GRID2: variants seen among roughly 807,000 people sequenced by gnomAD.
GRID2 encodes glutamate ionotropic receptor delta type subunit 2.
A neutral mutation model predicts 114.8 loss-of-function variants in GRID2; 33 were observed. That is an observed-to-expected ratio of 0.29 (90% confidence interval 0.22 to 0.38). The LOEUF (loss-of-function observed/expected upper bound fraction) is 0.38, where lower values mean the gene tolerates loss of function less well. Ranked by LOEUF, GRID2 falls within the 10% of genes least tolerant of loss-of-function variation. The probability of loss-of-function intolerance (pLI) is 1.00; values close to 1 mark genes in which losing one functional copy is unlikely to be tolerated. For synonymous variants in GRID2, 505 were observed against 449.9 expected, an observed-to-expected ratio of 1.12 and a Z score of -1.55; for missense variants, 1,184 against 1,257.7, an observed-to-expected ratio of 0.94 and a Z score of 0.89.
intron 14 of GRID2, among the ~76,000 whole-genome samples, chr4:93,679,962 C>G (rs1445365450): frequency 6.6e-6 from 1 of 151,046 alleles, no homozygotes. Context: ...ACCAAAAAAA[C>G]CTTTCAAAAA....
intron 12 of GRID2, among the ~76,000 whole-genome samples, chr4:93,501,262 T>C (rs1728075630): frequency 6.6e-6 from 1 of 152,066 alleles, no homozygotes; most frequent in South Asian, 2.1e-4. Context: ...GTATGCTCTC[T>C]AAGTATCCTT....
chr4:93,337,655 G>A (rs1420944426), intron 8 of GRID2, among the ~76,000 whole-genome samples: 1 of 151,606 alleles, frequency 6.6e-6, no homozygotes, highest in Admixed American at 6.6e-5. Context: ...TGAAAAGCTG[G>A]TCATAAACAA....
At chr4:93,751,076 C>T (rs1356953825) in intron 14 of GRID2, among the ~76,000 whole-genome samples, 1 of 152,152 alleles carries the variant, frequency 6.6e-6, no homozygotes, top group Non-Finnish European at 1.5e-5. Context: ...AGGCTAGGGT[C>T]ATTCTTCTTA....
intron 2 of GRID2, among the ~76,000 whole-genome samples, chr4:92,886,827 G>C (rs925562192): frequency 1.3e-5 from 2 of 151,870 alleles, no homozygotes; most frequent in Non-Finnish European, 2.9e-5. Context: ...GGGTTTCACC[G>C]TGTTAGCCAG....
intron 13 of GRID2, among the ~76,000 whole-genome samples, chr4:93,595,697 C>T (rs1190875759): frequency 1.3e-5 from 2 of 152,168 alleles, no homozygotes; most frequent in Non-Finnish European, 2.9e-5. Context: ...GTTTGCACAA[C>T]TAACTTTCCA....
intron 14 of GRID2, among the ~76,000 whole-genome samples, chr4:93,712,648 C>A (rs1728583476): frequency 6.6e-6 from 1 of 151,974 alleles, no homozygotes; most frequent in Admixed American, 6.6e-5. Flanking sequence ...TGACGTGGTA[C>A]GTAATTCAGA....
At chr4:93,678,420 C>T (rs957118753) in intron 14 of GRID2, among the ~76,000 whole-genome samples, 34 of 151,990 alleles carry the variant, frequency 2.2e-4, no homozygotes, top group African/African-American at 7.5e-4. Context: ...TCAGGAAATA[C>T]AGAGAATGCC....
chr4:92,689,953 T>C (rs1370473670), intron 2 of GRID2, among the ~76,000 whole-genome samples: 1 of 152,182 alleles, frequency 6.6e-6, no homozygotes, highest in African/African-American at 2.4e-5. Context: ...TAAGGGACTG[T>C]TGTAACTGGT....
chr4:92,626,812 G>A (rs1443260772), intron 2 of GRID2, among the ~76,000 whole-genome samples: 2 of 152,030 alleles, frequency 1.3e-5, no homozygotes, highest in Non-Finnish European at 2.9e-5. Flanking sequence ...CCATGGGTGA[G>A]AGACAGCAGA....
chr4:93,090,445 A>G (rs563574910), intron 3 of GRID2, among the ~76,000 whole-genome samples: 1 of 152,278 alleles, frequency 6.6e-6, no homozygotes, highest in South Asian at 2.1e-4. Context: ...ATCACCTATA[A>G]ATACCCTGGC....
At chr4:93,473,712 G>A (rs1725055585) in intron 11 of GRID2, among the ~76,000 whole-genome samples, 1 of 152,090 alleles carries the variant, frequency 6.6e-6, no homozygotes, top group South Asian at 2.1e-4. Context: ...ACCATGTAAT[G>A]CAAGAAGGCT....
chr4:93,205,213 GTTTTTT>G (rs901069885), intron 4 of GRID2, among the ~76,000 whole-genome samples: 2 of 146,798 alleles, frequency 1.4e-5, no homozygotes, highest in Non-Finnish European at 3.0e-5. Context: ...GGTATAAAGT[GTTTTTT>G]TTTTATTTTT....
At chr4:93,501,290 C>T (rs537616454) in intron 12 of GRID2, among the ~76,000 whole-genome samples, 15 of 152,124 alleles carry the variant, frequency 9.9e-5, no homozygotes, top group African/African-American at 3.6e-4. Context: ...CCCACTCACT[C>T]TTCAGTCTTC....
intron 2 of GRID2, among the ~76,000 whole-genome samples, chr4:93,063,901 G>A (rs1482628481): frequency 5.3e-5 from 8 of 151,244 alleles, no homozygotes; most frequent in South Asian, 2.1e-4. Flanking sequence ...AAAGCCTACC[G>A]TGTAGTTTCT....
chr4:92,458,426 A>G (rs1259275871), intron 1 of GRID2, among the ~76,000 whole-genome samples: 1 of 152,162 alleles, frequency 6.6e-6, no homozygotes, highest in African/African-American at 2.4e-5. Flanking sequence ...TTAGTCTTTA[A>G]TGGTAAATTT....
chr4:93,145,857 C>A (rs1039153613), intron 4 of GRID2, among the ~76,000 whole-genome samples: 1 of 92,570 alleles, frequency 1.1e-5, no homozygotes, highest in Non-Finnish European at 2.1e-5. Flanking sequence ...TGCATGCACA[C>A]ACACACATAC....
intron 2 of GRID2, among the ~76,000 whole-genome samples, chr4:92,929,015 A>G (rs1387924033): frequency 2.0e-5 from 3 of 151,406 alleles, no homozygotes; most frequent in Non-Finnish European, 4.4e-5. Flanking sequence ...AATTCAACAT[A>G]TTCATTTTGC....
chr4:92,954,730 G>A, intron 2 of GRID2, among the ~76,000 whole-genome samples: 1 of 139,618 alleles, frequency 7.2e-6, no homozygotes, highest in East Asian at 2.2e-4. Flanking sequence ...TCGTCATCTA[G>A]CATTAGGTAT....
chr4:92,942,482 T>C lies in GRID2; in HGVS notation c.245-142513T>C, dbSNP rs539539557. On this transcript the variant is annotated intron_variant, in intron 2 of 15. Coordinates refer to ENST00000282020, the MANE Select transcript of GRID2 (RefSeq NM_001510.4). ...GTGTGTCTCTGCATGTGAGGTGGGT[T>C]TCCTGAATACAGCACACTGATGGGT... 2.0e-5 allele frequency among the ~76,000 whole-genome samples: 3 copies of C among 152,276 alleles called. No individual in the cohort carries two copies. In the South Asian group the frequency reaches 6.2e-4, roughly 32 times the overall value.
Sources: gnomAD v4.1 joint callset for allele counts (sites outside exome capture counted in the v4.1 genomes callset) on GRCh38, gnomAD v4.1.1 for gene constraint, MANE v1.5 for transcripts, NCBI Gene and HGNC (gene_info 2026-07-23, HGNC 2026-07-21) for gene names.